Variants in PFDN1 observed in about 807,000 individuals in gnomAD.
The protein encoded by PFDN1 is prefoldin 1.
PFDN1 carries 6 observed loss-of-function variants against 17.3 expected under a neutral mutation model. The ratio of observed to expected loss-of-function variants is 0.35; its 90% CI spans 0.19 to 0.69. PFDN1 has a LOEUF of 0.69. Ranked by LOEUF, PFDN1 falls within the 30% of genes least tolerant of loss-of-function variation. The pLI is 0.65. For synonymous variants in PFDN1, 58 were observed against 50.1 expected, an observed-to-expected ratio of 1.16 and a Z score of -0.67; for missense variants, 113 against 146.2, an observed-to-expected ratio of 0.77 and a Z score of 1.17.
At chr5:140,270,654 G>A (rs928771758) in intron 3 of PFDN1, among the ~76,000 whole-genome samples, 3 of 152,150 alleles carry the variant, frequency 2.0e-5, no homozygotes, top group Admixed American at 1.3e-4. Flanking sequence ...GGCCAGGCAC[G>A]ATGGCTTATG....
chr5:140,274,020 C>T, intron 3 of PFDN1: 1 of 288,176 alleles, frequency 3.5e-6, no homozygotes, highest in Non-Finnish European at 5.2e-6. Context: ...TCAAGGATTC[C>T]TAATAGTTGA....
intron 3 of PFDN1, among the ~76,000 whole-genome samples, chr5:140,265,223 T>C (rs945124993): frequency 3.9e-5 from 6 of 152,044 alleles, no homozygotes; most frequent in African/African-American, 1.4e-4. Flanking sequence ...GCAGTCCCCT[T>C]ACCACCAAGG....
intron 3 of PFDN1, among the ~76,000 whole-genome samples, chr5:140,248,313 C>T (rs1318641914): frequency 6.6e-6 from 1 of 152,058 alleles, no homozygotes; most frequent in Non-Finnish European, 1.5e-5. Context: ...GTGATCTGCC[C>T]GCCTCGGCCT....
intron 2 of PFDN1, among the ~76,000 whole-genome samples, chr5:140,290,241 A>G (rs1437988802): frequency 6.6e-6 from 1 of 152,210 alleles, no homozygotes; most frequent in East Asian, 1.9e-4. Context: ...CCAAGATTTA[A>G]GCCTAAGCAT....
intron 3 of PFDN1, among the ~76,000 whole-genome samples, chr5:140,265,306 T>C (rs973671822): frequency 1.3e-5 from 2 of 152,074 alleles, no homozygotes; most frequent in African/African-American, 4.8e-5. Flanking sequence ...ACTTGGTTAT[T>C]TGGACTCAAA....
At chr5:140,263,422 T>A (rs1011394585) in intron 3 of PFDN1, among the ~76,000 whole-genome samples, 3 of 152,250 alleles carry the variant, frequency 2.0e-5, no homozygotes, top group Non-Finnish European at 1.5e-5. Flanking sequence ...ATATTAAAGG[T>A]AAAATATATA....
chr5:140,261,911 T>C (rs949880710), intron 3 of PFDN1, among the ~76,000 whole-genome samples: 1 of 152,082 alleles, frequency 6.6e-6, no homozygotes, highest in African/African-American at 2.4e-5. Context: ...GCTCAGATCA[T>C]GATGAAATCA....
At chr5:140,298,038 C>T (rs1340295456) in intron 2 of PFDN1, among the ~76,000 whole-genome samples, 1 of 152,116 alleles carries the variant, frequency 6.6e-6, no homozygotes, top group Non-Finnish European at 1.5e-5. Flanking sequence ...TTTCATACTA[C>T]ACAGACACAT....
At chr5:140,269,319 C>T (rs1765173472) in intron 3 of PFDN1, among the ~76,000 whole-genome samples, 1 of 139,486 alleles carries the variant, frequency 7.2e-6, no homozygotes. Context: ...AGCCTTATAA[C>T]TTTTTTTTTT....
In PFDN1 at chr5:140,254,192, G is replaced by A. The variant is rs541572706; in HGVS notation, c.286-8135C>T. Among the ~76,000 whole-genome samples, 2 of 152,320 alleles carry A rather than the reference G, an allele frequency of 1.3e-5. No individual in the cohort carries two copies. The highest frequency in any genetic ancestry group is 2.1e-4 in the South Asian group (1 of 4,826). On this transcript the variant is annotated intron_variant, in intron 3 of 3. Coordinates refer to ENST00000261813, the MANE Select transcript of PFDN1 (RefSeq NM_002622.5). The surrounding 1 kb of genome is among the most constrained non-coding windows in gnomAD (Gnocchi z 4.4). Reference sequence around the variant, plus strand: ...AGATGAATGGGCACGGCTATGTTTCGAAAGCACAGAAACAGGCAGTGGGCT... The same window carrying A: ...AGATGAATGGGCACGGCTATGTTTCAAAAGCACAGAAACAGGCAGTGGGCT...
chr5:140,246,821 T>C (rs986207373), intron 3 of PFDN1, among the ~76,000 whole-genome samples: 1 of 152,224 alleles, frequency 6.6e-6, no homozygotes, highest in African/African-American at 2.4e-5. Flanking sequence ...GTTTTACCAG[T>C]GGTCCTTGCC....
rs1278975234 is a variant in PFDN1 at position 140,254,428 on chromosome 5, T to G, written c.286-8371A>C. On this transcript the variant is annotated intron_variant, in intron 3 of 3. Transcript: ENST00000261813. The surrounding 1 kb of genome is among the most constrained non-coding windows in gnomAD (Gnocchi z 4.4). ...TTTATCCTTCATAAACCCTGGTCCT[T>G]GAAGTTCATGGCATCATGCTTAGCC... Among the ~76,000 whole-genome samples, 1 of 152,138 alleles carries G rather than the reference T, an allele frequency of 6.6e-6. No individual in the cohort carries two copies. The highest frequency in any genetic ancestry group is 1.5e-5 in the Non-Finnish European group (1 of 68,024).
rs1581078009 is a variant in PFDN1 at position 140,245,484 on chromosome 5, G to A, written c.*490C>T. The A allele has an allele frequency of 1.4e-6, 1 of 702,614 alleles. No individual in the cohort carries two copies. Among genetic ancestry groups the A allele is most frequent in the East Asian group, 2.7e-5 (1 of 37,288 alleles). 43.5% of individuals were successfully genotyped at this position (702,614 alleles called of 1,614,324 possible). ...GCCCGGAAGCTGAGCGTTAGTCAAAGGTACAGGAAGGGAAAAGAGAAGAGG... is the reference window on the plus strand; with the variant it reads ...GCCCGGAAGCTGAGCGTTAGTCAAAAGTACAGGAAGGGAAAAGAGAAGAGG... On this transcript the variant is annotated 3_prime_UTR_variant, in exon 4 of 4. Coordinates refer to ENST00000261813, the MANE Select transcript of PFDN1 (RefSeq NM_002622.5).
At chr5:140,277,711 G>A (rs1431850559) in intron 3 of PFDN1, among the ~76,000 whole-genome samples, 1 of 151,180 alleles carries the variant, frequency 6.6e-6, no homozygotes, top group Non-Finnish European at 1.5e-5. Flanking sequence ...CTGAGTGACA[G>A]AGTGAGACCC....
intron 3 of PFDN1, among the ~76,000 whole-genome samples, chr5:140,270,109 G>A (rs901678176): frequency 6.6e-6 from 1 of 152,168 alleles, no homozygotes; most frequent in African/African-American, 2.4e-5. Flanking sequence ...TGTGATGTAA[G>A]AACAGAAACT....
intron 3 of PFDN1, among the ~76,000 whole-genome samples, chr5:140,258,390 C>T (rs528107960): frequency 3.0e-4 from 45 of 149,228 alleles, no homozygotes; most frequent in Non-Finnish European, 5.8e-4. Flanking sequence ...CACCTTTGTC[C>T]GGTTACCCCA....
In PFDN1 at chr5:140,281,510, G is replaced by C. The variant is rs778478811; in HGVS notation, c.224C>G (p.Ala75Gly). 1.9e-6 allele frequency: 3 copies of C among 1,587,948 alleles called. No individual in the cohort carries two copies. The highest frequency in any genetic ancestry group is 1.7e-6 in the Non-Finnish European group (2 of 1,157,018). The change falls in exon 3 of 4, where the codon GCA becomes GGA. Residue 75 changes from alanine to glycine, a missense_variant. Coordinates refer to ENST00000261813, the MANE Select transcript of PFDN1 (RefSeq NM_002622.5). ...CTTCTCTAACAGCTGACTGTGAATT[G>C]CTTCCTTGGACTGAAGAATAAACCT... is the stretch of plus-strand genomic sequence containing the variant. The part of the protein sequence containing the change: ...GRMFILQSKE[A>G]IHSQLLEKQK...
chr5:140,303,045 T>G lies in PFDN1; in HGVS notation c.29A>C (p.Lys10Thr), dbSNP rs1156362173. The G allele has an allele frequency of 1.2e-6, 2 of 1,611,756 alleles. No individual in the cohort carries two copies. The highest frequency in any genetic ancestry group is 1.7e-5 in the Admixed American group (1 of 60,024). The change falls in exon 1 of 4, where the codon AAG becomes ACG. Residue 10 changes from lysine to threonine, a missense_variant. Transcript: ENST00000261813. ...CTGCCAAAGACCCTCTTTTACCTTCTTCAGCTCTAGATCCACGGGGGCGGC... is the reference window on the plus strand; with the variant it reads ...CTGCCAAAGACCCTCTTTTACCTTCGTCAGCTCTAGATCCACGGGGGCGGC... MAAPVDLEL[K>T]KAFTELQAKV...
chr5:140,272,164 C>T (rs1009005622), intron 3 of PFDN1, among the ~76,000 whole-genome samples: 9 of 151,608 alleles, frequency 5.9e-5, no homozygotes, highest in Admixed American at 1.3e-4. Context: ...GGGCTACAGA[C>T]GCGTGCCACC....
Sources: allele counts gnomAD v4.1 joint callset (sites outside exome capture counted in the v4.1 genomes callset), GRCh38; gene constraint gnomAD v4.1.1; non-coding constraint Gnocchi (gnomAD v3.1); transcripts MANE v1.5; gene names NCBI Gene and HGNC (gene_info 2026-07-23, HGNC 2026-07-21).